MALRD1: variants seen among roughly 807,000 people sequenced by gnomAD.
The protein encoded by MALRD1 is MAM and LDL receptor class A domain containing 1, also known as MAM and LDL-receptor class A domain-containing protein 1.
MALRD1 carries 247 observed loss-of-function variants against 242.1 expected under a neutral mutation model. The ratio of observed to expected loss-of-function variants is 1.02; its 90% CI spans 0.92 to 1.13. The LOEUF is 1.13. Ranked by LOEUF, MALRD1 falls within the 50% of genes most tolerant of loss-of-function variation. MALRD1 has a pLI of 0.00. For synonymous variants in MALRD1, 995 were observed against 866.6 expected (o/e 1.15, Z -2.60); for missense variants, 2,989 against 2,533.1 (o/e 1.18, Z -3.86).
At chr10:19,215,934 A>T (rs1345642070) in intron 18 of MALRD1, among the ~76,000 whole-genome samples, 4 of 151,496 alleles carry the variant, frequency 2.6e-5, no homozygotes, top group Non-Finnish European at 5.9e-5. Flanking sequence ...ATTTTCCATG[A>T]ACTTTTTAAG....
intron 26 of MALRD1, among the ~76,000 whole-genome samples, chr10:19,369,393 T>C (rs1845267018): frequency 1.7e-5 from 1 of 59,710 alleles, no homozygotes; most frequent in African/African-American, 1.1e-4. Context: ...AATATATTTA[T>C]ATATAAATGC....
intron 36 of MALRD1, among the ~76,000 whole-genome samples, chr10:19,653,684 T>C (rs1367594118): frequency 6.6e-6 from 1 of 150,392 alleles, no homozygotes; most frequent in Non-Finnish European, 1.5e-5. Context: ...GAATAGTCTA[T>C]GTAAATTTCA....
chr10:19,419,007 A>G (rs144635326), intron 28 of MALRD1, among the ~76,000 whole-genome samples: 253 of 152,274 alleles, frequency 1.7e-3, no homozygotes, highest in African/African-American at 5.1e-3. Context: ...TCATTTCACT[A>G]TTCAAAATCA....
intron 29 of MALRD1, among the ~76,000 whole-genome samples, chr10:19,461,297 A>G (rs4644569): frequency 0.29 from 44,430 of 152,100 alleles, 6,595 homozygotes; most frequent in East Asian, 0.41. Context: ...TGAAGAGTTT[A>G]AAATCGTTGA....
chr10:19,063,397 C>G (rs558549142), intron 1 of MALRD1, among the ~76,000 whole-genome samples: 25 of 152,108 alleles, frequency 1.6e-4, no homozygotes, highest in Non-Finnish European at 2.2e-4. Context: ...TTGCTTTACC[C>G]AGACCATACT....
At chr10:19,227,422 A>G (rs1312798390) in intron 18 of MALRD1, among the ~76,000 whole-genome samples, 1 of 152,112 alleles carries the variant, frequency 6.6e-6, no homozygotes, top group African/African-American at 2.4e-5. Flanking sequence ...TGGATATTAA[A>G]TGGAGAATAT....
chr10:19,468,596 T>C (rs1228330790), intron 29 of MALRD1, among the ~76,000 whole-genome samples: 1 of 151,876 alleles, frequency 6.6e-6, no homozygotes, highest in African/African-American at 2.4e-5. Flanking sequence ...TTGAGTAGAA[T>C]AGAGCTTTCT....
chr10:19,617,096 TTACAG>T (rs1217824016), intron 36 of MALRD1, among the ~76,000 whole-genome samples: 3 of 152,006 alleles, frequency 2.0e-5, no homozygotes, highest in African/African-American at 7.2e-5. Flanking sequence ...TGTCAACTGC[TTACAG>T]TAAAGAGGTT....
chr10:19,462,402 A>C (rs1400905839), intron 29 of MALRD1, among the ~76,000 whole-genome samples: 6 of 152,242 alleles, frequency 3.9e-5, no homozygotes, highest in Non-Finnish European at 8.8e-5. Flanking sequence ...AGAAACTGCA[A>C]TAAAGGCGCT....
intron 14 of MALRD1, among the ~76,000 whole-genome samples, chr10:19,191,214 A>C (rs1378230397): frequency 6.6e-6 from 1 of 152,218 alleles, no homozygotes; most frequent in Non-Finnish European, 1.5e-5. Flanking sequence ...ATGTGAAAAG[A>C]TGTCCAACAT....
chr10:19,662,238 ATTAAC>A (rs1372899450), intron 36 of MALRD1, among the ~76,000 whole-genome samples: 2 of 152,154 alleles, frequency 1.3e-5, no homozygotes, highest in Non-Finnish European at 2.9e-5. Context: ...ATACACATAA[ATTAAC>A]TTGTTATTTG....
intron 1 of MALRD1, among the ~76,000 whole-genome samples, chr10:19,064,769 CAAAAAAAA>C (rs147678284): frequency 6.3e-5 from 4 of 63,186 alleles, no homozygotes; most frequent in African/African-American, 1.5e-4. Context: ...AACTCTGTCT[CAAAAAAAA>C]AAAAAAAAAA....
intron 32 of MALRD1, among the ~76,000 whole-genome samples, chr10:19,561,863 A>C (rs1442380091): frequency 6.6e-6 from 1 of 152,162 alleles, no homozygotes; most frequent in Non-Finnish European, 1.5e-5. Context: ...GGTACGCTGC[A>C]GTCAGTTAAG....
chr10:19,264,477 G>A (rs1385854467), intron 19 of MALRD1, among the ~76,000 whole-genome samples: 4 of 139,646 alleles, frequency 2.9e-5, no homozygotes, highest in Non-Finnish European at 4.6e-5. Flanking sequence ...TTTTTGAGAC[G>A]GAGTCTTGCT....
At chr10:19,078,772 T>C (rs1484577884) in intron 2 of MALRD1, among the ~76,000 whole-genome samples, 1 of 151,890 alleles carries the variant, frequency 6.6e-6, no homozygotes, top group East Asian at 1.9e-4. Context: ...TATTTGTCCA[T>C]CTCTTCTAGG....
At chr10:19,411,595 G>A (rs561710125) in intron 28 of MALRD1, among the ~76,000 whole-genome samples, 30 of 152,284 alleles carry the variant, frequency 2.0e-4, no homozygotes, top group African/African-American at 7.2e-4. Context: ...TTTAATGTTA[G>A]TAAGTGGTTG....
At chr10:19,275,491 AC>A (rs1464664206) in intron 19 of MALRD1, among the ~76,000 whole-genome samples, 11 of 152,174 alleles carry the variant, frequency 7.2e-5, no homozygotes, top group African/African-American at 2.4e-4. Flanking sequence ...ACACAGTGAA[AC>A]CCCGTCTCTA....
intron 18 of MALRD1, among the ~76,000 whole-genome samples, chr10:19,234,678 T>C (rs1023718589): frequency 2.6e-5 from 4 of 152,180 alleles, no homozygotes; most frequent in Non-Finnish European, 5.9e-5. Context: ...ATATAATCTT[T>C]TGTTCCTTGA....
At chr10:19,234,360 T>C (rs528187169) in intron 18 of MALRD1, among the ~76,000 whole-genome samples, 169 of 151,994 alleles carry the variant, frequency 1.1e-3, no homozygotes, top group African/African-American at 3.7e-3. Context: ...ATTCTAATTA[T>C]TTTTGAGCCC....
Sources: gnomAD v4.1 joint callset for allele counts (sites outside exome capture counted in the v4.1 genomes callset) on GRCh38, gnomAD v4.1.1 for gene constraint, MANE v1.5 for transcripts, NCBI Gene and HGNC (gene_info 2026-07-23, HGNC 2026-07-21) for gene names.